Variants in GTF2IRD1 observed in about 807,000 individuals in gnomAD.
GTF2IRD1 encodes general transcription factor II-I repeat domain-containing protein 1.
Under a neutral mutation model 113.2 loss-of-function variants are expected in GTF2IRD1, and 26 were observed. That is an observed-to-expected ratio of 0.23 (90% CI 0.17 to 0.32). The LOEUF is 0.32. Ranked by LOEUF, GTF2IRD1 falls within the 10% of genes least tolerant of loss-of-function variation. The pLI is 1.00. For missense variants in GTF2IRD1, 864 were observed against 1,280.8 expected, an observed-to-expected ratio of 0.67 and a Z score of 4.97; for synonymous variants, 484 against 529.1, an observed-to-expected ratio of 0.91 and a Z score of 1.17.
At chr7:74,591,193 A>T (rs1554369524) in intron 24 of GTF2IRD1, among the ~76,000 whole-genome samples, 176 bp downstream of exon 24, 3 of 151,706 alleles carry the variant, frequency 2.0e-5, no homozygotes, top group Admixed American at 6.6e-5. Flanking sequence ...ATTTTTAAAG[A>T]TTATTTTTTA....
intron 16 of GTF2IRD1, among the ~76,000 whole-genome samples, chr7:74,546,743 C>T (rs753684690): frequency 7.0e-6 from 1 of 143,280 alleles, no homozygotes; most frequent in Non-Finnish European, 1.5e-5. Context: ...ACTGGAAGGG[C>T]GAGGCCCAGT....
intron 24 of GTF2IRD1, among the ~76,000 whole-genome samples, chr7:74,591,932 GT>G (rs1167078776): frequency 8.5e-4 from 122 of 142,730 alleles, no homozygotes; most frequent in African/African-American, 1.0e-3. Context: ...GGGTGGCCCA[GT>G]TTTTTTTTTT....
chr7:74,597,515 T>G (rs1184011135), intron 25 of GTF2IRD1, among the ~76,000 whole-genome samples: 4 of 151,804 alleles, frequency 2.6e-5, no homozygotes, highest in Admixed American at 6.6e-5. Context: ...CCAGCTAATT[T>G]TTTGTATTTT....
chr7:74,589,283 G>T (rs587663515), intron 22 of GTF2IRD1, among the ~76,000 whole-genome samples: 1 of 152,158 alleles, frequency 6.6e-6, no homozygotes, highest in East Asian at 1.9e-4. Context: ...TTGAGCCTGG[G>T]AGTTGGAGGC....
chr7:74,567,697 G>A (rs1168623359), intron 22 of GTF2IRD1, among the ~76,000 whole-genome samples: 1 of 152,104 alleles, frequency 6.6e-6, no homozygotes, highest in African/African-American at 2.4e-5. Flanking sequence ...CCACACATCG[G>A]GGGGGTCAGG....
At chr7:74,494,962 C>G (rs1795572658) in intron 1 of GTF2IRD1, among the ~76,000 whole-genome samples, 1 of 152,062 alleles carries the variant, frequency 6.6e-6, no homozygotes, top group African/African-American at 2.4e-5. Context: ...ACTATGTTAC[C>G]CAGTCTGGTC....
intron 1 of GTF2IRD1, among the ~76,000 whole-genome samples, chr7:74,480,159 TC>T (rs797025261): frequency 6.6e-6 from 1 of 152,000 alleles, no homozygotes; most frequent in East Asian, 1.9e-4. Context: ...TTTTTTTTTT[TC>T]CCAGTAGTCT....
intron 8 of GTF2IRD1, among the ~76,000 whole-genome samples, chr7:74,528,707 G>A (rs905184148): frequency 3.7e-5 from 4 of 106,846 alleles, no homozygotes; most frequent in Non-Finnish European, 5.4e-5. Flanking sequence ...GGAAAGATGG[G>A]TGGATGGATG....
At chr7:74,588,806 A>G (rs587645295) in intron 22 of GTF2IRD1, among the ~76,000 whole-genome samples, 13 of 152,308 alleles carry the variant, frequency 8.5e-5, no homozygotes, top group African/African-American at 2.9e-4. Context: ...TGCTGGGATT[A>G]TAGGCATGAG....
chr7:74,571,466 G>A (rs948919252), intron 22 of GTF2IRD1, among the ~76,000 whole-genome samples: 1 of 152,176 alleles, frequency 6.6e-6, no homozygotes, highest in Non-Finnish European at 1.5e-5. Context: ...CCCACTGGTC[G>A]GGGCCAAGCT....
chr7:74,548,369 C>T (rs587650349), intron 17 of GTF2IRD1, among the ~76,000 whole-genome samples: 59 of 150,760 alleles, frequency 3.9e-4, no homozygotes, highest in Admixed American at 1.1e-3. Flanking sequence ...TTGCAGTGAG[C>T]GGAGATTGTG....
intron 2 of GTF2IRD1, among the ~76,000 whole-genome samples, chr7:74,510,119 A>G (rs73364488): frequency 0.1 from 15,501 of 151,846 alleles, 1,952 homozygotes; most frequent in East Asian, 0.39. Flanking sequence ...CCCCTGGAAA[A>G]GGGGCTGGGT....
At chr7:74,571,140 A>G in intron 22 of GTF2IRD1, 1 of 984,686 alleles carries the variant, frequency 1.0e-6, no homozygotes, top group South Asian at 4.7e-5. Flanking sequence ...GACCCCAGGG[A>G]TGTGGCAGAG....
intron 1 of GTF2IRD1, among the ~76,000 whole-genome samples, chr7:74,458,717 C>T (rs1302305633): frequency 1.3e-5 from 2 of 150,988 alleles, no homozygotes; most frequent in East Asian, 1.9e-4. Context: ...TGCAGTGGCA[C>T]GATCCCAACT....
intron 8 of GTF2IRD1, among the ~76,000 whole-genome samples, chr7:74,525,997 T>G (rs1797573553): frequency 6.6e-6 from 1 of 152,040 alleles, no homozygotes; most frequent in South Asian, 2.1e-4. Context: ...CAGCTACCTT[T>G]GATGTGGCCA....
chr7:74,507,379 G>A (rs565772914), intron 1 of GTF2IRD1: 1 of 152,322 alleles, frequency 6.6e-6, no homozygotes, highest in East Asian at 1.9e-4. Context: ...GGCTGAGGCA[G>A]GAGAATCACT....
chr7:74,570,631 G>A (rs587620849), intron 22 of GTF2IRD1, among the ~76,000 whole-genome samples: 38 of 152,290 alleles, frequency 2.5e-4, no homozygotes, highest in African/African-American at 8.4e-4. Flanking sequence ...TCTAGCCTGC[G>A]AGACAGAATG....
chr7:74,582,884 A>G (rs1801497945), intron 22 of GTF2IRD1, among the ~76,000 whole-genome samples: 1 of 152,070 alleles, frequency 6.6e-6, no homozygotes, highest in Admixed American at 6.6e-5. Flanking sequence ...TCCCATCTCT[A>G]CAAAAGATGG....
At chr7:74,531,580 G>A (rs1168014791) in intron 9 of GTF2IRD1, among the ~76,000 whole-genome samples, 1 of 151,880 alleles carries the variant, frequency 6.6e-6, no homozygotes, top group Non-Finnish European at 1.5e-5. Context: ...CAGGAGAGGA[G>A]GGCTTAAAAA....
Sources: allele counts gnomAD v4.1 joint callset (sites outside exome capture counted in the v4.1 genomes callset), GRCh38; gene constraint gnomAD v4.1.1; transcripts MANE v1.5; gene names NCBI Gene and HGNC (gene_info 2026-07-23, HGNC 2026-07-21).